Variants in DRD2 observed in about 807,000 individuals in gnomAD.
DRD2 encodes D(2) dopamine receptor.
Under a neutral mutation model 38.0 loss-of-function variants are expected in DRD2, and 8 were observed. That is an observed-to-expected ratio of 0.21 (90% CI 0.12 to 0.38). DRD2 has a LOEUF of 0.38. Ranked by LOEUF, DRD2 falls within the 10% of genes least tolerant of loss-of-function variation. The probability of loss-of-function intolerance (pLI) is 1.00; values close to 1 mark genes in which losing one functional copy is unlikely to be tolerated. For synonymous variants in DRD2, 230 were observed against 238.6 expected (o/e 0.96, Z 0.33); for missense variants, 403 against 607.7 (o/e 0.66, Z 3.54).
chr11:113,465,331 G>A (rs1951357967), intron 1 of DRD2, among the ~76,000 whole-genome samples: 1 of 152,226 alleles, frequency 6.6e-6, no homozygotes, highest in Admixed American at 6.5e-5. Flanking sequence ...CTGGCCTCAA[G>A]TGATCTGCCT....
At chr11:113,429,506 G>C (rs1950967599) in intron 1 of DRD2, among the ~76,000 whole-genome samples, 2 of 152,098 alleles carry the variant, frequency 1.3e-5, no homozygotes, top group African/African-American at 4.8e-5. Context: ...CGGCCTCCCA[G>C]AGTGCTGGGA....
At chr11:113,414,202 C>A in intron 6 of DRD2, 173 bp downstream of exon 6, 1 of 740,274 alleles carries the variant, frequency 1.4e-6, no homozygotes, top group Non-Finnish European at 2.5e-6. Context: ...CGAGGTGTCT[C>A]ACTTCATGCC....
chr11:113,425,945 T>C (rs1950938001), intron 1 of DRD2, among the ~76,000 whole-genome samples: 1 of 152,128 alleles, frequency 6.6e-6, no homozygotes, highest in Non-Finnish European at 1.5e-5. Context: ...AGATTGTGTC[T>C]TGTCAGCTGG....
At chr11:113,470,941 A>G (rs963485769) in intron 1 of DRD2, among the ~76,000 whole-genome samples, 1 of 152,212 alleles carries the variant, frequency 6.6e-6, no homozygotes, top group African/African-American at 2.4e-5. Flanking sequence ...CTAGGGAGAG[A>G]AGAGGCTGTG....
chr11:113,458,419 T>G (rs1051078605), intron 1 of DRD2, among the ~76,000 whole-genome samples: 3 of 151,912 alleles, frequency 2.0e-5, no homozygotes, highest in African/African-American at 7.3e-5. Flanking sequence ...GAGAAAAGGT[T>G]GTGTTTACTC....
In DRD2 at chr11:113,415,309, C is replaced by T. The variant is rs539782878; in HGVS notation, c.723+112G>A. 7.2e-6 allele frequency: 10 copies of T among 1,394,094 alleles called. No homozygotes were observed. The South Asian group carries it at 1.4e-4, about 19-fold the overall frequency. The allele number at this position is 1,394,094 out of a possible 1,614,324, so 86.4% of individuals were successfully genotyped here. On this transcript the variant is annotated intron_variant, in intron 5 of 7. Transcript: ENST00000362072. ...CCCGGCTCCTGGGAATTCCTTTAGCCTAGACCTAACCCTTGCTGAGGTTTC... is the reference window on the plus strand; with the variant it reads ...CCCGGCTCCTGGGAATTCCTTTAGCTTAGACCTAACCCTTGCTGAGGTTTC...
At chr11:113,419,348 C>T (rs530064476) in intron 2 of DRD2, among the ~76,000 whole-genome samples, 1 of 152,104 alleles carries the variant, frequency 6.6e-6, no homozygotes, top group South Asian at 2.1e-4. Context: ...CTGGGGTAGG[C>T]GGAGGGGTTG....
chr11:113,416,199 C>A (rs59065384), intron 4 of DRD2, among the ~76,000 whole-genome samples: 2,105 of 152,286 alleles, frequency 0.014, 58 homozygotes, highest in African/African-American at 0.048. Context: ...TAATAGATAC[C>A]GAACCACACA....
chr11:113,426,980 T>A (rs1190375868), intron 1 of DRD2, among the ~76,000 whole-genome samples: 1 of 152,230 alleles, frequency 6.6e-6, no homozygotes, highest in Admixed American at 6.5e-5. Context: ...TGCAAAGCAG[T>A]GTCAGGGGCC....
intron 1 of DRD2, among the ~76,000 whole-genome samples, chr11:113,440,181 C>T (rs1047070771): frequency 6.6e-6 from 1 of 152,194 alleles, no homozygotes; most frequent in African/African-American, 2.4e-5. Flanking sequence ...GATACCTATC[C>T]TCAGCAGAGA....
intron 1 of DRD2, among the ~76,000 whole-genome samples, chr11:113,455,292 G>A (rs1951258728): frequency 6.6e-6 from 1 of 152,136 alleles, no homozygotes; most frequent in Non-Finnish European, 1.5e-5. Context: ...AACCTGGGAG[G>A]TGGAGGTTGC....
At chr11:113,450,159 C>G (rs563780144) in intron 1 of DRD2, 1 of 153,860 alleles carries the variant, frequency 6.5e-6, no homozygotes, top group Admixed American at 6.5e-5. Flanking sequence ...CAAAAGAAGA[C>G]AGAAATTGGA....
chr11:113,442,505 T>G (rs1951104245), intron 1 of DRD2, among the ~76,000 whole-genome samples: 1 of 152,148 alleles, frequency 6.6e-6, no homozygotes, highest in African/African-American at 2.4e-5. Context: ...GAGGCAACAC[T>G]GGTGGCTTTT....
chr11:113,453,679 T>C (rs915230212), intron 1 of DRD2, among the ~76,000 whole-genome samples: 3 of 152,164 alleles, frequency 2.0e-5, no homozygotes, highest in African/African-American at 7.2e-5. Flanking sequence ...GAGAAACAAG[T>C]CCACAGATGA....
chr11:113,470,024 C>A (rs906613715), intron 1 of DRD2, among the ~76,000 whole-genome samples: 5 of 152,070 alleles, frequency 3.3e-5, no homozygotes, highest in African/African-American at 1.2e-4. Context: ...GATGATGAGG[C>A]CAGCAAAGGA....
intron 5 of DRD2, 74 bp downstream of exon 5, chr11:113,415,347 C>A (rs1950814987): frequency 3.0e-5 from 46 of 1,523,734 alleles, no homozygotes; most frequent in Non-Finnish European, 4.1e-5. Context: ...AAGCCCCCAC[C>A]TGAGCATAAG....
chr11:113,464,121 T>A (rs371619623), intron 1 of DRD2, among the ~76,000 whole-genome samples: 2 of 152,304 alleles, frequency 1.3e-5, no homozygotes, highest in African/African-American at 2.4e-5. Context: ...TGCCACCCTG[T>A]CTTCACCTTT....
intron 2 of DRD2, among the ~76,000 whole-genome samples, chr11:113,419,215 G>A (rs775908671): frequency 1.3e-5 from 2 of 152,144 alleles, no homozygotes; most frequent in African/African-American, 2.4e-5. Flanking sequence ...AAAATGATCT[G>A]TTAAGAATAA....
At chr11:113,470,198 T>C (rs115556303) in intron 1 of DRD2, among the ~76,000 whole-genome samples, 4 of 152,198 alleles carry the variant, frequency 2.6e-5, no homozygotes, top group Non-Finnish European at 4.4e-5. Context: ...TCATTTCTAA[T>C]GTCTTTCTCC....
Sources: allele counts gnomAD v4.1 joint callset (sites outside exome capture counted in the v4.1 genomes callset), GRCh38; gene constraint gnomAD v4.1.1; transcripts MANE v1.5; gene names NCBI Gene and HGNC (gene_info 2026-07-23, HGNC 2026-07-21).